The following UBTF variants were observed in gnomAD, a reference collection of about 807,000 sequenced individuals.
The protein encoded by UBTF is upstream binding transcription factor, also known as nucleolar transcription factor 1.
Under a neutral mutation model 112.3 loss-of-function variants are expected in UBTF, and 8 were observed. The observed-to-expected ratio is 0.07, with a 90% confidence interval of 0.04 to 0.13. The LOEUF is 0.13. UBTF is among the 10% of genes least tolerant of loss of function. UBTF has a pLI of 1.00. For missense variants in UBTF, 457 were observed against 982.1 expected (o/e 0.47, Z 7.15); for synonymous variants, 417 against 373.1 (o/e 1.12, Z -1.36).
At position 44,213,287 on chromosome 17, in the gene UBTF, G is replaced by T; in HGVS notation, c.475-5C>A. On this transcript the variant is annotated splice_region_variant and splice_polypyrimidine_tract_variant and intron_variant, in intron 5 of 20. Coordinates refer to ENST00000436088, the MANE Select transcript of UBTF (RefSeq NM_014233.4). ...GAAGTCCTGAATATATTTCATCTGGGGGGAGGAGGGGATGGGGTCACTCAG... is the reference window on the plus strand; with the variant it reads ...GAAGTCCTGAATATATTTCATCTGGTGGGAGGAGGGGATGGGGTCACTCAG... 6.2e-7 allele frequency: 1 copy of T among 1,613,072 alleles called. No individual in the cohort carries two copies. The highest frequency in any genetic ancestry group is 1.1e-5 in the South Asian group (1 of 90,954).
chr17:44,210,624 G>A, intron 13 of UBTF, 151 bp from the exon 14 acceptor site: 5 of 1,381,606 alleles, frequency 3.6e-6, no homozygotes, highest in Non-Finnish European at 4.7e-6. Flanking sequence ...GGTCTGCGGC[G>A]CTCAGCTGAC....
chr17:44,218,780 G>A (rs754018107), intron 1 of UBTF, among the ~76,000 whole-genome samples: 140 of 148,534 alleles, frequency 9.4e-4, no homozygotes, highest in Non-Finnish European at 1.8e-3. Context: ...GCAACCCGGC[G>A]GGGACCCGGA....
rs756611691 is a variant in UBTF, at chr17:44,212,401, C to T, written c.714G>A (p.Ser238=). Residue 238 remains serine (S), a synonymous_variant, in exon 8 of 21, where the codon TCG becomes TCA. Coordinates refer to ENST00000436088, the MANE Select transcript of UBTF (RefSeq NM_014233.4). ...GAATCCATTTCAGCCTCTTTTTGTCCGAGAGCTGAGACCACTGCTTCCCCA... is the reference window on the plus strand; with the variant it reads ...GAATCCATTTCAGCCTCTTTTTGTCTGAGAGCTGAGACCACTGCTTCCCCA... ...DSLGKQWSQL[S]DKKRLKWIHK... The T allele has an allele frequency of 3.1e-6, 5 of 1,612,984 alleles. No individual in the cohort carries two copies. Among genetic ancestry groups the T allele is most frequent in the African/African-American group, 1.3e-5 (1 of 74,738 alleles).
intron 13 of UBTF, 138 bp from the exon 14 acceptor site, chr17:44,210,611 C>G: frequency 7.2e-7 from 1 of 1,388,022 alleles, no homozygotes; most frequent in Non-Finnish European, 9.4e-7. Flanking sequence ...CTCGCCCCCG[C>G]CTGGTCTGCG....
intron 7 of UBTF, among the ~76,000 whole-genome samples, 153 bp from the exon 8 acceptor site, chr17:44,212,607 G>T (rs1010847350): frequency 3.3e-5 from 5 of 152,184 alleles, no homozygotes; most frequent in Non-Finnish European, 5.9e-5. Flanking sequence ...GAGAGGCGGG[G>T]ATCCCGCCTG....
At position 44,207,559 on chromosome 17, in the gene UBTF, CTCGTCA is replaced by C; in HGVS notation, c.2058_2063del (p.Asp686_Asp687del). ...CATCTTCCTCTTCTTCATCCTCGTC[CTCGTCA>C]TCCTCATCCTCTTCATCATCCTCCT... is the stretch of plus-strand genomic sequence containing the variant. On this transcript the variant is annotated inframe_deletion, in exon 20 of 21. Transcript: ENST00000436088. 1.9e-6 allele frequency: 3 copies of C among 1,614,106 alleles called. No individual in the cohort carries two copies. The highest frequency in any genetic ancestry group is 8.5e-7 in the Non-Finnish European group (1 of 1,179,984).
upstream of UBTF, among the ~76,000 whole-genome samples, chr17:44,220,357 T>C (rs572461760): frequency 6.6e-6 from 1 of 151,386 alleles, no homozygotes; most frequent in South Asian, 2.1e-4. Context: ...AGGCCAGCTC[T>C]CTCCCGCCTC....
chr17:44,221,184 C>T (rs1449925344), upstream of UBTF: 1 of 152,056 alleles, frequency 6.6e-6, no homozygotes, highest in East Asian at 1.9e-4. Context: ...ATATTTCTGC[C>T]CCCAGCTCGC....
chr17:44,212,574 C>A, intron 7 of UBTF, 120 bp from the exon 8 acceptor site: 1 of 1,043,948 alleles, frequency 9.6e-7, no homozygotes, highest in Non-Finnish European at 1.4e-6. Flanking sequence ...TCAGTGTCCC[C>A]CACAGGCCAG....
At chr17:44,208,835 G>A in intron 17 of UBTF, 2 of 295,274 alleles carry the variant, frequency 6.8e-6, no homozygotes, top group Non-Finnish European at 6.7e-6. Context: ...TCTACTTACT[G>A]TGTGACCTTG....
chr17:44,212,837 A>G lies in UBTF; in HGVS notation c.642T>C (p.Tyr214=), dbSNP rs2056783167. The change falls in exon 7 of 21, where the codon TAT becomes TAC. Residue 214 remains tyrosine, a synonymous_variant. Coordinates refer to ENST00000436088, the MANE Select transcript of UBTF (RefSeq NM_014233.4). ...QLWYTHEKKV[Y]LKVRPDATTK... ...CACTCACATCTGGCCGCACTTTGAG[A>G]TACACCTTCTTCTCGTGGGTGTACC... 1 of 1,614,012 alleles carries G rather than the reference A, an allele frequency of 6.2e-7. No individual in the cohort carries two copies.
rs1392411800 is a variant in UBTF, at chr17:44,209,386, T to C, written c.1871A>G (p.Lys624Arg). ...HYKKLAEEQQ[K>R]QYKVHLDLWV... ...GAGGTCCAGGTGCACCTTGTACTGC[T>C]TTTGCTGCTCCTCGGCCAGCTTTTT... Residue 624 changes from lysine (K) to arginine (R), a missense_variant, in exon 17 of 21, where the codon AAG becomes AGG. Lys to Arg is a conservative substitution (Grantham distance 26). This residue lies in a region of UBTF where 77 missense variants were observed against 211.9 expected (regional missense o/e 0.36). Transcript: ENST00000436088. 1.9e-6 allele frequency: 3 copies of C among 1,612,902 alleles called. No homozygotes were observed. Among genetic ancestry groups the C allele is most frequent in the Non-Finnish European group, 2.5e-6 (3 of 1,179,316 alleles).
chr17:44,216,479 C>T, intron 3 of UBTF, 50 bp downstream of exon 3: 1 of 1,592,884 alleles, frequency 6.3e-7, no homozygotes, highest in East Asian at 2.2e-5. Flanking sequence ...CTTCCCCCAC[C>T]ACGCTGAGTG....
chr17:44,209,336 T>C lies in UBTF; in HGVS notation c.1905+16A>G, dbSNP rs1434455727. 2 of 1,576,638 alleles carry C rather than the reference T, an allele frequency of 1.3e-6. No homozygotes were observed. Among genetic ancestry groups the C allele is most frequent in the Non-Finnish European group, 1.7e-6 (2 of 1,158,220 alleles). On this transcript the variant is annotated intron_variant, in intron 17 of 20. Coordinates refer to ENST00000436088, the MANE Select transcript of UBTF (RefSeq NM_014233.4). Reference sequence around the variant, plus strand: ...GATGCCTCTCTGTTCCTTCCAAGGGTCCCTTGCCCTCTCACCTTAACCCAG... The same window carrying C: ...GATGCCTCTCTGTTCCTTCCAAGGGCCCCTTGCCCTCTCACCTTAACCCAG...
Position 44,211,914 on chromosome 17 carries a change from C to G in UBTF, c.864G>C (p.Gln288His). The change falls in exon 9 of 21, where the codon CAG becomes CAC. Residue 288 changes from glutamine to histidine, a missense_variant. Physicochemically the swap from Gln to His is conservative, Grantham distance 24 (BLOSUM62 0). Coordinates refer to ENST00000436088, the MANE Select transcript of UBTF (RefSeq NM_014233.4). The surrounding 1 kb of genome is among the most constrained non-coding windows in gnomAD (Gnocchi z 4.9). ...TKSTLTKAER[Q>H]LKDKFDGRPT... ...GTCGCCCGTCAAACTTGTCCTTGAG[C>G]TGGCGTTCGGCCTTGGTGAGGGTGG... The G allele has an allele frequency of 6.2e-7, 1 of 1,613,988 alleles. No homozygotes were observed. The highest frequency in any genetic ancestry group is 8.5e-7 in the Non-Finnish European group (1 of 1,180,004).
intron 17 of UBTF, chr17:44,209,026 AGGTGT>A (rs1390783755): frequency 3.1e-6 from 1 of 326,962 alleles, no homozygotes; most frequent in Non-Finnish European, 5.9e-6. Context: ...AAAATTAGCC[AGGTGT>A]GGTGGTACAT....
At chr17:44,215,403 G>A (rs2046799573) in intron 5 of UBTF, 1 of 517,200 alleles carries the variant, frequency 1.9e-6, no homozygotes, top group Non-Finnish European at 3.5e-6. Context: ...GAATGCTGTG[G>A]GTTTTCTGTA....
In UBTF at chr17:44,207,853, C is replaced by T; in HGVS notation, c.1953+11G>A. The T allele has an allele frequency of 6.2e-7, 1 of 1,614,062 alleles. No homozygotes were observed. The highest frequency in any genetic ancestry group is 8.5e-7 in the Non-Finnish European group (1 of 1,180,008). The stretch of plus-strand genomic sequence containing the variant: ...ACCCCTACCCCACTGCTGCTCTGCT[C>T]CCAGACTCACATTGGAGATGTACTC... On this transcript the variant is annotated intron_variant, in intron 18 of 20. Coordinates refer to ENST00000436088, the MANE Select transcript of UBTF (RefSeq NM_014233.4).
At chr17:44,212,780 C>T (rs746771494) in intron 7 of UBTF, 39 bp downstream of exon 7, 21 of 1,610,520 alleles carry the variant, frequency 1.3e-5, no homozygotes, top group Non-Finnish European at 1.5e-5. Context: ...TGGCCACCGC[C>T]GTGCATCCTC....
Sources: allele counts gnomAD v4.1 joint callset (sites outside exome capture counted in the v4.1 genomes callset), GRCh38; gene constraint gnomAD v4.1.1; regional missense constraint gnomAD v4.1.1; non-coding constraint Gnocchi (gnomAD v3.1); transcripts MANE v1.5; gene names NCBI Gene and HGNC (gene_info 2026-07-23, HGNC 2026-07-21).